The following HMGCLL1 variants were observed in gnomAD, a reference collection of about 807,000 sequenced individuals.
HMGCLL1 encodes 3-hydroxy-3-methylglutaryl-CoA lyase like 1.
A neutral mutation model predicts 39.1 loss-of-function variants in HMGCLL1; 36 were observed. The observed-to-expected ratio is 0.92, with a 90% CI of 0.71 to 1.22. The LOEUF is 1.22. HMGCLL1 is among the 50% of genes most tolerant of loss of function. HMGCLL1 has a pLI of 0.00. For synonymous variants in HMGCLL1, 149 were observed against 144.0 expected, an observed-to-expected ratio of 1.03 and a Z score of -0.25; for missense variants, 451 against 416.5, an observed-to-expected ratio of 1.08 and a Z score of -0.72.
intron 5 of HMGCLL1, among the ~76,000 whole-genome samples, chr6:55,508,609 T>A (rs1767283354): frequency 1.3e-5 from 2 of 151,854 alleles, no homozygotes; most frequent in African/African-American, 4.8e-5. Context: ...AAATGTTCAT[T>A]TTTCTATTTA....
chr6:55,435,427 A>G lies in HMGCLL1; in HGVS notation c.*235T>C, dbSNP rs554794971. On this transcript the variant is annotated 3_prime_UTR_variant, in exon 9 of 9. Transcript: ENST00000274901. ...ATGAGAGCAAAAGAAACTTTTTTCC[A>G]AGTTCAAAATTATGACAAGTTTTAT... 12 of 345,804 alleles carry G rather than the reference A, an allele frequency of 3.5e-5. No individual in the cohort carries two copies. Among genetic ancestry groups the G allele is most frequent in the African/African-American group, 8.5e-5 (4 of 46,940 alleles). The allele number at this position is 345,804 out of a possible 1,614,324, so 21.4% of individuals were successfully genotyped here.
intron 5 of HMGCLL1, among the ~76,000 whole-genome samples, chr6:55,507,788 C>T (rs537485041): frequency 2.0e-5 from 3 of 151,830 alleles, no homozygotes; most frequent in South Asian, 4.1e-4. Context: ...ATAGCTCCCA[C>T]ATTATATTTT....
chr6:55,461,916 G>GA (rs1764583578), intron 7 of HMGCLL1, among the ~76,000 whole-genome samples: 1 of 151,910 alleles, frequency 6.6e-6, no homozygotes, highest in African/African-American at 2.4e-5. Flanking sequence ...TAAGTAGCAG[G>GA]AAAAAATAAA....
At chr6:55,592,736 A>AT in the HMGCLL1 span, among the ~76,000 whole-genome samples, 6 of 152,178 alleles carry the variant, frequency 3.9e-5, no homozygotes, top group East Asian at 1.2e-3. Context: ...TCTGCTGAGC[A>AT]TTTTTCAAGT....
At chr6:55,652,077 G>A in the HMGCLL1 span, among the ~76,000 whole-genome samples, 26 of 152,040 alleles carry the variant, frequency 1.7e-4, no homozygotes, top group African/African-American at 6.0e-4. Context: ...TGATTTTTTC[G>A]TTCTTAGTCC....
chr6:55,616,751 T>G, the HMGCLL1 span, among the ~76,000 whole-genome samples: 2 of 151,744 alleles, frequency 1.3e-5, no homozygotes, highest in Non-Finnish European at 2.9e-5. Context: ...ACAAAACAAT[T>G]TAAAAAATTA....
the HMGCLL1 span, among the ~76,000 whole-genome samples, chr6:55,650,084 C>T: frequency 1.4e-3 from 69 of 47,970 alleles, 1 homozygote; most frequent in Admixed American, 2.2e-3. Context: ...TATACACACA[C>T]ATATACATAT....
intron 3 of HMGCLL1, among the ~76,000 whole-genome samples, chr6:55,540,986 A>G (rs1368082227): frequency 2.0e-5 from 3 of 152,184 alleles, no homozygotes; most frequent in African/African-American, 7.2e-5. Context: ...TCATTAGAAT[A>G]GAGAATAATG....
At chr6:55,586,938 A>G in the HMGCLL1 span, among the ~76,000 whole-genome samples, 2 of 152,078 alleles carry the variant, frequency 1.3e-5, no homozygotes, top group African/African-American at 4.8e-5. Flanking sequence ...GTCAAACGGT[A>G]TTTCTAGTTC....
intron 5 of HMGCLL1, chr6:55,513,347 A>T (rs1767564625): frequency 1.3e-5 from 2 of 152,200 alleles, no homozygotes; most frequent in Non-Finnish European, 2.9e-5. Flanking sequence ...ATAAGTTTCC[A>T]CAAGAAAAAG....
At chr6:55,495,773 T>C (rs78598025) in intron 6 of HMGCLL1, among the ~76,000 whole-genome samples, 166 bp from the exon 7 acceptor site, 1,642 of 152,324 alleles carry the variant, frequency 0.011, 34 homozygotes, top group African/African-American at 0.038. Flanking sequence ...CTTATGATAT[T>C]CTAAACATTA....
At chr6:55,537,163 A>C (rs2127453137) in intron 3 of HMGCLL1, among the ~76,000 whole-genome samples, 1 of 152,288 alleles carries the variant, frequency 6.6e-6, no homozygotes, top group South Asian at 2.1e-4. Flanking sequence ...TGGTCTGCTC[A>C]GACAAGCTCC....
At chr6:55,502,854 G>T (rs879307550) in intron 5 of HMGCLL1, among the ~76,000 whole-genome samples, 1 of 151,580 alleles carries the variant, frequency 6.6e-6, no homozygotes, top group East Asian at 1.9e-4. Flanking sequence ...CATCCACAAA[G>T]ATGTTATATC....
At chr6:55,611,189 A>C in the HMGCLL1 span, among the ~76,000 whole-genome samples, 22,906 of 152,210 alleles carry the variant, frequency 0.15, 2,039 homozygotes, top group Non-Finnish European at 0.2. Context: ...TAAGGCACAA[A>C]TCAAGAAGTT....
At chr6:55,604,754 A>G in the HMGCLL1 span, among the ~76,000 whole-genome samples, 1 of 152,218 alleles carries the variant, frequency 6.6e-6, no homozygotes, top group Admixed American at 6.5e-5. Flanking sequence ...CTATTATGAT[A>G]CCAGCTATGA....
chr6:55,583,952 T>G (rs1178194669), upstream of HMGCLL1, among the ~76,000 whole-genome samples: 2 of 152,124 alleles, frequency 1.3e-5, no homozygotes, highest in Non-Finnish European at 2.9e-5. Context: ...AGGTGACCTT[T>G]TTTTCATCTC....
the HMGCLL1 span, among the ~76,000 whole-genome samples, chr6:55,658,299 G>A: frequency 4.5e-4 from 69 of 151,946 alleles, no homozygotes; most frequent in African/African-American, 1.6e-3. Context: ...CTGTTTCAAC[G>A]TCTTAGGTTA....
At chr6:55,614,808 C>T in the HMGCLL1 span, among the ~76,000 whole-genome samples, 83 of 151,996 alleles carry the variant, frequency 5.5e-4, no homozygotes, top group Admixed American at 9.2e-4. Flanking sequence ...ATCTGTCATT[C>T]GGTCTAAGCA....
At chr6:55,673,716 A>G in the HMGCLL1 span, among the ~76,000 whole-genome samples, 1 of 151,970 alleles carries the variant, frequency 6.6e-6, no homozygotes, top group African/African-American at 2.4e-5. Context: ...GATGATAATA[A>G]TAAAAATAAT....
Sources: allele counts gnomAD v4.1 joint callset (sites outside exome capture counted in the v4.1 genomes callset), GRCh38; gene constraint gnomAD v4.1.1; transcripts MANE v1.5; gene names NCBI Gene and HGNC (gene_info 2026-07-23, HGNC 2026-07-21).